UFSP2: variants seen among roughly 807,000 people sequenced by gnomAD.
The protein encoded by UFSP2 is ufm1-specific protease 2.
Under a neutral mutation model 60.2 loss-of-function variants are expected in UFSP2, and 43 were observed. That is an observed-to-expected ratio of 0.71 (90% CI 0.56 to 0.92). UFSP2 has a LOEUF of 0.92. Among genes scored for constraint, UFSP2 ranks in the 40% least tolerant of loss-of-function variants. The pLI is 0.00. For missense variants in UFSP2, 520 were observed against 575.0 expected, an observed-to-expected ratio of 0.90 and a Z score of 0.98; for synonymous variants, 183 against 195.1, an observed-to-expected ratio of 0.94 and a Z score of 0.52.
Position 185,403,627 on chromosome 4 carries a change from G to T in UFSP2, c.1199-9C>A, listed in dbSNP as rs758888408. 1 of 1,593,192 alleles carries T rather than the reference G, an allele frequency of 6.3e-7. No individual in the cohort carries two copies. The highest frequency in any genetic ancestry group is 8.5e-7 in the Non-Finnish European group (1 of 1,174,610). Reference sequence around the variant, plus strand: ...GGCCAAAACTCCTCCCCCTATAGAAGAAAAAATAGGAAATACGAATGAAGG... The same window carrying T: ...GGCCAAAACTCCTCCCCCTATAGAATAAAAAATAGGAAATACGAATGAAGG... On this transcript the variant is annotated splice_polypyrimidine_tract_variant and intron_variant, in intron 10 of 11. Coordinates refer to ENST00000264689, the MANE Select transcript of UFSP2 (RefSeq NM_018359.5).
chr4:185,414,061 G>A (rs1267118401), intron 6 of UFSP2, among the ~76,000 whole-genome samples, 189 bp from the exon 7 acceptor site: 3 of 152,088 alleles, frequency 2.0e-5, no homozygotes, highest in Admixed American at 6.5e-5. Context: ...ATTTATTTTC[G>A]TTTACGTCTG....
At chr4:185,424,600 TTCA>T (rs2153297424) in intron 1 of UFSP2, among the ~76,000 whole-genome samples, 1 of 152,328 alleles carries the variant, frequency 6.6e-6, no homozygotes, top group East Asian at 1.9e-4. Context: ...TCTACCGTTG[TTCA>T]TCACAGAAAA....
In UFSP2 at chr4:185,418,786, A is replaced by G. The variant is rs2095543938; in HGVS notation, c.83-16T>C. The stretch of plus-strand genomic sequence containing the variant: ...AGAAAAATTTCTAAATTAAAAGAAT[A>G]TAAATAGAAGTTAAGAAAAACAAAT... On this transcript the variant is annotated splice_polypyrimidine_tract_variant and intron_variant, in intron 2 of 11. Coordinates refer to ENST00000264689, the MANE Select transcript of UFSP2 (RefSeq NM_018359.5). 2 of 1,570,106 alleles carry G rather than the reference A, an allele frequency of 1.3e-6. No homozygotes were observed. The highest frequency in any genetic ancestry group is 1.4e-5 in the African/African-American group (1 of 71,716).
chr4:185,404,688 C>T (rs1003489760), intron 10 of UFSP2, among the ~76,000 whole-genome samples: 1 of 151,800 alleles, frequency 6.6e-6, no homozygotes, highest in Admixed American at 6.6e-5. Context: ...ACAGCTCAAG[C>T]GATTCTCCTG....
At position 185,425,925 on chromosome 4, in the gene UFSP2, G is replaced by T; in HGVS notation, c.-57C>A. ...CGCCTGCCCAAAAGTTCCGGGGGCC[G>T]GCCCTGAAGTGGTGTCACCGCACGG... On this transcript the variant is annotated 5_prime_UTR_variant, in exon 1 of 12. Transcript: ENST00000264689. The T allele has an allele frequency of 6.4e-7, 1 of 1,566,440 alleles. No individual in the cohort carries two copies. Among genetic ancestry groups the T allele is most frequent in the African/African-American group, 1.3e-5 (1 of 74,130 alleles).
intron 9 of UFSP2, among the ~76,000 whole-genome samples, chr4:185,406,992 G>A (rs974470261): frequency 7.7e-6 from 1 of 129,396 alleles, no homozygotes; most frequent in Non-Finnish European, 1.7e-5. Context: ...AATAGAAAAT[G>A]TATTTTATTT....
At chr4:185,414,731 G>A (rs557234870) in intron 6 of UFSP2, among the ~76,000 whole-genome samples, 1 of 152,160 alleles carries the variant, frequency 6.6e-6, no homozygotes, top group African/African-American at 2.4e-5. Flanking sequence ...CCTTACTTGT[G>A]GAGTATTACC....
chr4:185,406,052 T>G, intron 9 of UFSP2, 196 bp from the exon 10 acceptor site: 6 of 1,181,874 alleles, frequency 5.1e-6, no homozygotes, highest in Non-Finnish European at 7.1e-6. Context: ...TCAAAATACT[T>G]AAGGCCACCA....
At chr4:185,423,213 A>T (rs910012297) in intron 1 of UFSP2, among the ~76,000 whole-genome samples, 1 of 152,198 alleles carries the variant, frequency 6.6e-6, no homozygotes, top group Non-Finnish European at 1.5e-5. Flanking sequence ...TTCTAATGTG[A>T]ATGGTTGAGA....
intron 7 of UFSP2, among the ~76,000 whole-genome samples, chr4:185,409,523 G>T (rs2095525679): frequency 6.6e-6 from 1 of 152,016 alleles, no homozygotes; most frequent in African/African-American, 2.4e-5. Flanking sequence ...AATTAAGTGA[G>T]AGGAGATAGG....
At chr4:185,401,919 C>G (rs2095513714) in intron 11 of UFSP2, among the ~76,000 whole-genome samples, 1 of 152,150 alleles carries the variant, frequency 6.6e-6, no homozygotes, top group South Asian at 2.1e-4. Context: ...CTTCTCCCTG[C>G]CTTTAAGAAA....
At chr4:185,411,132 T>A (rs9312334) in intron 7 of UFSP2, among the ~76,000 whole-genome samples, 132,976 of 149,096 alleles carry the variant, frequency 0.89, 59,390 homozygotes, top group East Asian at 0.99. Context: ...TTTTTTTTTT[T>A]AAAAGACACA....
intron 7 of UFSP2, 27 bp downstream of exon 7, chr4:185,413,699 C>T: frequency 6.3e-7 from 1 of 1,588,524 alleles, no homozygotes; most frequent in Non-Finnish European, 8.5e-7. Context: ...GATCCAGTGA[C>T]TCCCATAAAT....
At chr4:185,415,891 C>A (rs1242752447) in intron 4 of UFSP2, 24 bp from the exon 5 acceptor site, 2 of 1,573,424 alleles carry the variant, frequency 1.3e-6, no homozygotes, top group African/African-American at 1.4e-5. Flanking sequence ...CAGTAATAGT[C>A]AACTTGTAGT....
intron 7 of UFSP2, among the ~76,000 whole-genome samples, chr4:185,411,643 A>C (rs747502533): frequency 1.3e-5 from 2 of 152,192 alleles, no homozygotes; most frequent in Non-Finnish European, 2.9e-5. Context: ...TATATCTATA[A>C]TTTTCCTTGA....
intron 5 of UFSP2, 65 bp downstream of exon 5, chr4:185,415,645 T>A (rs192978850): frequency 7.0e-7 from 1 of 1,424,190 alleles, no homozygotes; most frequent in East Asian, 2.3e-5. Flanking sequence ...CTACAGGATA[T>A]ACAAACATGG....
At position 185,408,378 on chromosome 4, in the gene UFSP2, C is replaced by T. The variant is rs145066198; in HGVS notation, c.889G>A (p.Asp297Asn). ...YHHYMQDRID[D>N]NGWGCAYRSL... ...CGATAAGCACAGCCCCAGCCATTGT[C>T]ATCTATGCGATCCTGCATATAATGA... Residue 297 changes from aspartate (D) to asparagine (N), a missense_variant, in exon 8 of 12, where the codon GAC becomes AAC. By Grantham distance (23) the Asp-to-Asn change is conservative (BLOSUM62 1). Transcript: ENST00000264689. 14 of 1,614,146 alleles carry T rather than the reference C, an allele frequency of 8.7e-6. No homozygotes were observed. The highest frequency in any genetic ancestry group is 1.1e-5 in the South Asian group (1 of 91,080).
chr4:185,400,546 C>T (rs965400225), intron 11 of UFSP2, 68 bp from the exon 12 acceptor site: 3 of 1,208,810 alleles, frequency 2.5e-6, no homozygotes, highest in Admixed American at 2.0e-5. Flanking sequence ...GAAATCGTGA[C>T]ATCAGGCTCT....
chr4:185,416,600 C>T lies in UFSP2; in HGVS notation c.334-733G>A, dbSNP rs188780852. Among the ~76,000 whole-genome samples, 254 of 152,098 alleles carry T rather than the reference C, an allele frequency of 1.7e-3. 5 individuals carry two copies. The East Asian group carries it at 0.044, about 26-fold the overall frequency. On this transcript the variant is annotated intron_variant, in intron 4 of 11. Transcript: ENST00000264689. The stretch of plus-strand genomic sequence containing the variant: ...TGTGATTTACACAGATAAAAATGAA[C>T]GTGTTATGTGTGTGTGTGGATAGTA...
Sources: allele counts gnomAD v4.1 joint callset (sites outside exome capture counted in the v4.1 genomes callset), GRCh38; gene constraint gnomAD v4.1.1; transcripts MANE v1.5; gene names NCBI Gene and HGNC (gene_info 2026-07-23, HGNC 2026-07-21).